MAGI1: variants seen among roughly 807,000 people sequenced by gnomAD.
MAGI1 encodes membrane-associated guanylate kinase, WW and PDZ domain-containing protein 1.
A neutral mutation model predicts 139.9 loss-of-function variants in MAGI1; 58 were observed. That is an observed-to-expected ratio of 0.41 (90% confidence interval 0.34 to 0.52). MAGI1 has a LOEUF of 0.52. Ranked by LOEUF, MAGI1 falls within the 20% of genes least tolerant of loss-of-function variation. The pLI, the probability that MAGI1 is intolerant of heterozygous loss-of-function variation, is 0.12. For synonymous variants in MAGI1, 812 were observed against 737.9 expected (o/e 1.10, Z -1.63); for missense variants, 1,874 against 1,901.6 (o/e 0.99, Z 0.27).
chr3:65,635,192 G>A (rs2084541273), intron 1 of MAGI1, among the ~76,000 whole-genome samples: 1 of 152,096 alleles, frequency 6.6e-6, no homozygotes, highest in African/African-American at 2.4e-5. Flanking sequence ...AGCCTCCCGA[G>A]TAGCTGGAAC....
At chr3:65,733,144 C>T (rs547819562) in intron 1 of MAGI1, among the ~76,000 whole-genome samples, 2 of 152,174 alleles carry the variant, frequency 1.3e-5, no homozygotes, top group South Asian at 2.1e-4. Context: ...CTGCAACCTC[C>T]GCCTCCTGGG....
chr3:66,016,379 T>C (rs2067638354), intron 1 of MAGI1, among the ~76,000 whole-genome samples: 1 of 152,134 alleles, frequency 6.6e-6, no homozygotes, highest in Non-Finnish European at 1.5e-5. Context: ...GAACCCGGAC[T>C]ACATGAAATT....
intron 1 of MAGI1, among the ~76,000 whole-genome samples, chr3:65,819,185 G>A (rs2041792551): frequency 6.6e-6 from 1 of 152,164 alleles, no homozygotes; most frequent in Non-Finnish European, 1.5e-5. Flanking sequence ...TCAGGAGGCT[G>A]AAGCAGGAGA....
At chr3:65,453,367 A>AT in intron 5 of MAGI1, 27 bp from the exon 6 acceptor site, 10 of 1,357,262 alleles carry the variant, frequency 7.4e-6, no homozygotes, top group Admixed American at 2.0e-5. Flanking sequence ...AAAATAAGAA[A>AT]TTTGTTTGAA....
intron 1 of MAGI1, among the ~76,000 whole-genome samples, chr3:65,846,937 G>T (rs1490861408): frequency 2.9e-5 from 3 of 103,914 alleles, no homozygotes; most frequent in African/African-American, 4.2e-5. Context: ...AAGAAACATT[G>T]ACTTGTCCTT....
intron 1 of MAGI1, among the ~76,000 whole-genome samples, chr3:65,777,642 C>CAAAAAA (rs11415226): frequency 6.0e-5 from 7 of 116,790 alleles, no homozygotes; most frequent in South Asian, 2.9e-4. Flanking sequence ...ACTCTTATCA[C>CAAAAAA]AAAAAAAAAA....
chr3:65,607,542 G>C (rs2082809071), intron 2 of MAGI1, among the ~76,000 whole-genome samples: 1 of 152,040 alleles, frequency 6.6e-6, no homozygotes, highest in Non-Finnish European at 1.5e-5. Flanking sequence ...TGTTATCTTT[G>C]CTTTGCAAAT....
chr3:65,640,458 T>A (rs1032095750), intron 1 of MAGI1, among the ~76,000 whole-genome samples: 11 of 152,146 alleles, frequency 7.2e-5, no homozygotes, highest in African/African-American at 2.7e-4. Flanking sequence ...CACCTTTCCA[T>A]TCCAATGACT....
chr3:65,994,296 G>T (rs761590333), intron 1 of MAGI1, among the ~76,000 whole-genome samples: 10 of 147,020 alleles, frequency 6.8e-5, no homozygotes, highest in Non-Finnish European at 1.5e-4. Context: ...AAAAACACTG[G>T]TAAATGACTA....
At chr3:65,671,184 C>G (rs2086835552) in intron 1 of MAGI1, among the ~76,000 whole-genome samples, 2 of 152,178 alleles carry the variant, frequency 1.3e-5, no homozygotes, top group Admixed American at 1.3e-4. Context: ...TTGCCTAGTA[C>G]TACAGAGCTG....
chr3:65,711,605 G>C (rs1328064550), intron 1 of MAGI1, among the ~76,000 whole-genome samples: 1 of 152,138 alleles, frequency 6.6e-6, no homozygotes, highest in African/African-American at 2.4e-5. Flanking sequence ...GCCCTTTAAA[G>C]AGGTTATTAA....
chr3:65,942,746 G>C (rs778859421), intron 1 of MAGI1, among the ~76,000 whole-genome samples: 1 of 152,032 alleles, frequency 6.6e-6, no homozygotes, highest in African/African-American at 2.4e-5. Flanking sequence ...GACCAGGTGC[G>C]GTGGCTCACC....
At chr3:65,504,620 G>T (rs1453320698) in intron 2 of MAGI1, among the ~76,000 whole-genome samples, 2 of 152,082 alleles carry the variant, frequency 1.3e-5, no homozygotes, top group Admixed American at 6.6e-5. Flanking sequence ...CTTCACCCAG[G>T]GTTGAATAAA....
chr3:65,911,291 C>A (rs561231958), intron 1 of MAGI1, among the ~76,000 whole-genome samples: 1 of 151,744 alleles, frequency 6.6e-6, no homozygotes, highest in Non-Finnish European at 1.5e-5. Flanking sequence ...GACATTTGAA[C>A]GTTTGTCCAT....
chr3:65,381,833 TA>T, intron 16 of MAGI1, 43 bp downstream of exon 16: 4 of 1,513,892 alleles, frequency 2.6e-6, no homozygotes, highest in Non-Finnish European at 3.6e-6. Flanking sequence ...TTTCTGTGAA[TA>T]AAGTGACAAC....
chr3:65,470,334 G>C lies in MAGI1; in HGVS notation c.908C>G (p.Pro303Arg). The C allele has an allele frequency of 6.2e-7, 1 of 1,613,568 alleles. No individual in the cohort carries two copies. The highest frequency in any genetic ancestry group is 8.5e-7 in the Non-Finnish European group (1 of 1,179,614). ...LSAEDNLGPL[P>R]ENWEMAYTEN... Reference sequence around the variant, plus strand: ...AGTATAGGCCATCTCCCAGTTTTCAGGTAGAGGACCTAAATTATCCTCTGC... The same window carrying C: ...AGTATAGGCCATCTCCCAGTTTTCACGTAGAGGACCTAAATTATCCTCTGC... Residue 303 changes from proline to arginine, a missense_variant, in exon 5 of 23, where the codon CCT (proline) becomes CGT (arginine). Around this residue, in one of 5 missense-constraint regions of MAGI1, gnomAD observed 648 missense variants for 598.1 expected, o/e 1.08. Transcript: ENST00000402939.
intron 1 of MAGI1, among the ~76,000 whole-genome samples, chr3:65,965,468 A>G (rs2064692743): frequency 6.6e-6 from 1 of 152,214 alleles, no homozygotes; most frequent in Non-Finnish European, 1.5e-5. Context: ...ATTAAAAGGT[A>G]TGGTCTCTCA....
chr3:65,661,427 T>G (rs2086181686), intron 1 of MAGI1, among the ~76,000 whole-genome samples: 1 of 152,178 alleles, frequency 6.6e-6, no homozygotes, highest in Admixed American at 6.6e-5. Context: ...ATCTTGGTTT[T>G]CAGAGGGAAA....
intron 2 of MAGI1, among the ~76,000 whole-genome samples, chr3:65,509,508 A>AG (rs2077466908): frequency 1.3e-5 from 2 of 152,236 alleles, no homozygotes; most frequent in African/African-American, 4.8e-5. Context: ...GCAAGGGGCC[A>AG]GGGAGTTCCC....
Sources: allele counts gnomAD v4.1 joint callset (sites outside exome capture counted in the v4.1 genomes callset), GRCh38; gene constraint gnomAD v4.1.1; regional missense constraint gnomAD v4.1.1; transcripts MANE v1.5; gene names NCBI Gene and HGNC (gene_info 2026-07-23, HGNC 2026-07-21).